The following ATF7 variants were observed in gnomAD, a reference collection of about 807,000 sequenced individuals.
ATF7 encodes the protein cyclic AMP-dependent transcription factor ATF-7.
Under a neutral mutation model 50.4 loss-of-function variants are expected in ATF7, and 10 were observed. That is an observed-to-expected ratio of 0.20 (90% CI 0.12 to 0.34). ATF7 has a LOEUF of 0.34. Ranked by LOEUF, ATF7 falls within the 10% of genes least tolerant of loss-of-function variation. The pLI is 1.00. For synonymous variants in ATF7, 201 were observed against 226.4 expected (o/e 0.89, Z 1.01); for missense variants, 465 against 613.9 (o/e 0.76, Z 2.56).
At chr12:53,553,845 T>C (rs1365579434) in intron 2 of ATF7, among the ~76,000 whole-genome samples, 1 of 152,242 alleles carries the variant, frequency 6.6e-6, no homozygotes, top group Non-Finnish European at 1.5e-5. Context: ...TTAGCCTTCT[T>C]TTCCAAAGCT....
chr12:53,517,463 G>C lies in ATF7; in HGVS notation c.1235-109C>G, dbSNP rs895994054. Reference sequence around the variant, plus strand: ...TTCTAAAGGAGCCCAAAAGGGAAATGAAACCCATCTTTTTTTTGGGGAAAA... The same window carrying C: ...TTCTAAAGGAGCCCAAAAGGGAAATCAAACCCATCTTTTTTTTGGGGAAAA... On this transcript the variant is annotated intron_variant, in intron 11 of 11. Transcript: ENST00000420353. 3 of 1,093,742 alleles carry C rather than the reference G, an allele frequency of 2.7e-6. No homozygotes were observed. The East Asian group carries it at 7.8e-5, about 29-fold the overall frequency. The allele number at this position is 1,093,742 out of a possible 1,614,324, so 67.8% of individuals were successfully genotyped here.
chr12:53,552,427 C>T (rs1940429257), intron 3 of ATF7, 114 bp downstream of exon 3: 1 of 779,006 alleles, frequency 1.3e-6, no homozygotes, highest in East Asian at 2.7e-5. Context: ...ATGCAGATCA[C>T]ATAAGGGCTC....
chr12:53,552,510 C>A (rs754243308), intron 3 of ATF7, 31 bp downstream of exon 3: 1 of 1,562,768 alleles, frequency 6.4e-7, no homozygotes, highest in Non-Finnish European at 8.8e-7. Flanking sequence ...CTGGTGGTAT[C>A]AAGGCACGTG....
chr12:53,599,957 AAAG>A (rs1469935723), intron 2 of ATF7, among the ~76,000 whole-genome samples: 2 of 152,246 alleles, frequency 1.3e-5, no homozygotes, highest in African/African-American at 4.8e-5. Context: ...AATGAAAAAA[AAAG>A]GCGATTTCAA....
chr12:53,569,494 T>C (rs1314362987), intron 2 of ATF7, among the ~76,000 whole-genome samples: 1 of 152,236 alleles, frequency 6.6e-6, no homozygotes, highest in Non-Finnish European at 1.5e-5. Context: ...CCTTCTCTGA[T>C]GTTTACCAGA....
chr12:53,608,218 C>CAAAA (rs71444811), intron 1 of ATF7, among the ~76,000 whole-genome samples: 8 of 88,912 alleles, frequency 9.0e-5, no homozygotes, highest in Admixed American at 1.2e-4. Flanking sequence ...GACTCTGTCT[C>CAAAA]AAAAAAAAAA....
intron 5 of ATF7, 131 bp from the exon 6 acceptor site, chr12:53,534,790 C>G: frequency 8.6e-6 from 9 of 1,043,606 alleles, no homozygotes; most frequent in South Asian, 1.6e-5. Flanking sequence ...TGACCTGATT[C>G]CATCAGGATC....
rs1050993441 is a variant in ATF7, at chr12:53,516,343, A to AT, written c.*793dup. 2 of 152,246 alleles carry AT rather than the reference A, an allele frequency of 1.3e-5. No individual in the cohort carries two copies. Among genetic ancestry groups the AT allele is most frequent in the African/African-American group, 4.8e-5 (2 of 41,428 alleles). 9.4% of individuals were successfully genotyped at this position (152,246 alleles called of 1,614,324 possible). ...CAATCTTTAATAATAAGGCCACAAA[A>AT]TGAGGTTGCCAAGGCTTAGTGGGGT... On this transcript the variant is annotated 3_prime_UTR_variant, in exon 12 of 12. Transcript: ENST00000420353.
chr12:53,559,224 CTTTTTCT>C (rs1196852752), intron 2 of ATF7, among the ~76,000 whole-genome samples: 3 of 137,968 alleles, frequency 2.2e-5, no homozygotes, highest in African/African-American at 7.8e-5. Flanking sequence ...TTACTTTTTT[CTTTTTCT>C]TTTTTCTTTT....
chr12:53,613,782 C>T (rs1943997000), intron 1 of ATF7, among the ~76,000 whole-genome samples: 1 of 146,724 alleles, frequency 6.8e-6, no homozygotes, highest in South Asian at 2.2e-4. Context: ...CCACCTCAAC[C>T]CCCCAAAGTG....
chr12:53,525,864 G>C (rs1481994440), intron 9 of ATF7, among the ~76,000 whole-genome samples: 4 of 152,134 alleles, frequency 2.6e-5, no homozygotes, highest in Non-Finnish European at 5.9e-5. Context: ...GTTCAGCCTT[G>C]AACACAGGCT....
chr12:53,551,751 T>C (rs2137501463), intron 3 of ATF7, among the ~76,000 whole-genome samples: 1 of 152,342 alleles, frequency 6.6e-6, no homozygotes, highest in South Asian at 2.1e-4. Context: ...AGTTATTAAC[T>C]AATGTAATAA....
At chr12:53,532,841 G>A (rs1938989059) in intron 7 of ATF7, among the ~76,000 whole-genome samples, 1 of 152,166 alleles carries the variant, frequency 6.6e-6, no homozygotes, top group African/African-American at 2.4e-5. Context: ...CAATTTCTGT[G>A]GGAAGGGTTG....
At position 53,524,356 on chromosome 12, in the gene ATF7, TAGG is replaced by T. The variant is rs1938311130; in HGVS notation, c.1125+205_1125+207del. On this transcript the variant is annotated intron_variant, in intron 10 of 11. Coordinates refer to ENST00000420353, the MANE Select transcript of ATF7 (RefSeq NM_006856.3). The surrounding 1 kb of genome is among the most constrained non-coding windows in gnomAD (Gnocchi z 4.6). Reference sequence around the variant, plus strand: ...CAAATGCGTTTAAGGATGACTCTAATAGGAGATTTGGGGGTAGATGGTGAGTGT... The same window carrying T: ...CAAATGCGTTTAAGGATGACTCTAATAGATTTGGGGGTAGATGGTGAGTGT... 6.6e-6 allele frequency among the ~76,000 whole-genome samples: 1 copy of T among 152,202 alleles called. No homozygotes were observed. Among genetic ancestry groups the T allele is most frequent in the Non-Finnish European group, 1.5e-5 (1 of 68,040 alleles).
At chr12:53,580,663 C>CAAAAA (rs539252431) in intron 2 of ATF7, among the ~76,000 whole-genome samples, 1 of 37,698 alleles carries the variant, frequency 2.7e-5, no homozygotes, top group Non-Finnish European at 5.9e-5. Context: ...GACTCCATCT[C>CAAAAA]AAAAAAAAAA....
chr12:53,532,715 T>C (rs2137381836), intron 7 of ATF7, 92 bp from the exon 8 acceptor site: 1 of 898,708 alleles, frequency 1.1e-6, no homozygotes, highest in Admixed American at 2.4e-5. Flanking sequence ...GCTTTTGAGA[T>C]TGGCACATCA....
intron 2 of ATF7, among the ~76,000 whole-genome samples, chr12:53,595,623 T>A (rs542129489): frequency 2.4e-4 from 37 of 152,334 alleles, no homozygotes; most frequent in African/African-American, 8.9e-4. Flanking sequence ...ATAATGTTCA[T>A]GGAGGCAGAG....
chr12:53,554,174 A>T (rs1429129628), intron 2 of ATF7, among the ~76,000 whole-genome samples: 1 of 152,160 alleles, frequency 6.6e-6, no homozygotes, highest in Non-Finnish European at 1.5e-5. Flanking sequence ...TCTGTCGCCC[A>T]GGCTGGAGTG....
At chr12:53,611,155 G>A (rs1592989547) in intron 1 of ATF7, among the ~76,000 whole-genome samples, 1 of 152,032 alleles carries the variant, frequency 6.6e-6, no homozygotes, top group Non-Finnish European at 1.5e-5. Flanking sequence ...CATTAAGCAT[G>A]TTTTATTGTA....
Sources: allele counts gnomAD v4.1 joint callset (sites outside exome capture counted in the v4.1 genomes callset), GRCh38; gene constraint gnomAD v4.1.1; non-coding constraint Gnocchi (gnomAD v3.1); transcripts MANE v1.5; gene names NCBI Gene and HGNC (gene_info 2026-07-23, HGNC 2026-07-21).